Variants in LRBA observed in about 807,000 individuals in gnomAD.
The protein encoded by LRBA is LPS responsive beige-like anchor protein.
A neutral mutation model predicts 330.0 loss-of-function variants in LRBA; 176 were observed. The ratio of observed to expected loss-of-function variants is 0.53; its 90% CI spans 0.47 to 0.60. The LOEUF is 0.60. Among genes scored for constraint, LRBA ranks in the 20% least tolerant of loss-of-function variants. The pLI is 0.00. For missense variants in LRBA, 3,259 were observed against 3,444.8 expected (o/e 0.95, Z 1.35); for synonymous variants, 1,230 against 1,193.0 (o/e 1.03, Z -0.64).
intron 44 of LRBA, among the ~76,000 whole-genome samples, chr4:150,465,662 A>G (rs1755354107): frequency 6.6e-6 from 1 of 152,118 alleles, no homozygotes; most frequent in South Asian, 2.1e-4. Context: ...CTTTGGAGAA[A>G]TGTCTATCAG....
In LRBA at chr4:150,325,857, A is replaced by G. The variant is rs150550923; in HGVS notation, c.7404T>C (p.Ser2468=). ...GAGGATGGGGCTCTATGAGTAGTTG[A>G]GAAGGAGTCTGTCCAAAACTTCGGA... The part of the protein sequence containing the change: ...AQIRSFGQTP[S]QLLIEPHPPR... Residue 2468 remains serine (S), a synonymous_variant, in exon 49 of 57, where the codon TCT becomes TCC. Coordinates refer to ENST00000651943, the MANE Select transcript of LRBA (RefSeq NM_001364905.1). The G allele has an allele frequency of 3.3e-4, 529 of 1,613,538 alleles. 4 individuals are homozygous for G. The African/African-American group carries it at 6.3e-3, about 19-fold the overall frequency.
chr4:150,543,018 C>G (rs1490390442), intron 40 of LRBA, among the ~76,000 whole-genome samples: 3 of 152,044 alleles, frequency 2.0e-5, no homozygotes, highest in African/African-American at 7.2e-5. Flanking sequence ...ATAAGTGTCC[C>G]AAAATTCACC....
At chr4:150,473,120 A>C (rs1756339160) in intron 42 of LRBA, among the ~76,000 whole-genome samples, 1 of 152,132 alleles carries the variant, frequency 6.6e-6, no homozygotes, top group African/African-American at 2.4e-5. Context: ...ATTCATCTCC[A>C]CATCCTTGCC....
At chr4:150,824,229 G>A (rs545928679) in intron 30 of LRBA, among the ~76,000 whole-genome samples, 1 of 152,190 alleles carries the variant, frequency 6.6e-6, no homozygotes, top group East Asian at 1.9e-4. Flanking sequence ...ATTGTTCACT[G>A]TTAGCATATA....
At chr4:150,709,482 A>G (rs1785967804) in intron 36 of LRBA, among the ~76,000 whole-genome samples, 1 of 152,010 alleles carries the variant, frequency 6.6e-6, no homozygotes, top group African/African-American at 2.4e-5. Flanking sequence ...TAGGCTGAAA[A>G]TAATTCTACC....
intron 2 of LRBA, among the ~76,000 whole-genome samples, chr4:150,937,553 T>C (rs1018731512): frequency 5.9e-5 from 9 of 152,270 alleles, no homozygotes; most frequent in African/African-American, 1.7e-4. Context: ...AACTGATGTA[T>C]AGTCTTTTTC....
At chr4:150,911,309 C>A (rs1731963010) in intron 9 of LRBA, among the ~76,000 whole-genome samples, 1 of 152,050 alleles carries the variant, frequency 6.6e-6, no homozygotes, top group Admixed American at 6.5e-5. Flanking sequence ...AGTATTGTGT[C>A]AGTCATGGGC....
At chr4:150,561,450 CAG>C (rs1448357765) in intron 40 of LRBA, among the ~76,000 whole-genome samples, 2 of 152,176 alleles carry the variant, frequency 1.3e-5, no homozygotes, top group Non-Finnish European at 2.9e-5. Flanking sequence ...AACATTATAA[CAG>C]AGAGATTAAC....
chr4:150,745,248 A>G (rs1179603341), intron 35 of LRBA, among the ~76,000 whole-genome samples: 1 of 152,240 alleles, frequency 6.6e-6, no homozygotes, highest in African/African-American at 2.4e-5. Flanking sequence ...ACTGTAGGAT[A>G]GTAAACATAA....
intron 48 of LRBA, among the ~76,000 whole-genome samples, chr4:150,334,293 G>A (rs1354939166): frequency 6.6e-6 from 1 of 152,024 alleles, no homozygotes; most frequent in Non-Finnish European, 1.5e-5. Flanking sequence ...GCAGATAAAT[G>A]TTCAAAATAT....
intron 35 of LRBA, among the ~76,000 whole-genome samples, chr4:150,747,325 T>C (rs1189696809): frequency 6.6e-6 from 1 of 152,252 alleles, no homozygotes; most frequent in Non-Finnish European, 1.5e-5. Context: ...GTCTCTTCTT[T>C]AGTACTTATT....
At chr4:150,793,495 G>A (rs963056545) in intron 34 of LRBA, among the ~76,000 whole-genome samples, 2 of 152,072 alleles carry the variant, frequency 1.3e-5, no homozygotes, top group Non-Finnish European at 2.9e-5. Flanking sequence ...AAAAGACAAA[G>A]TCCAAAATAT....
At chr4:150,282,339 A>C in intron 55 of LRBA, 111 bp downstream of exon 55, 1 of 898,178 alleles carries the variant, frequency 1.1e-6, no homozygotes, top group Non-Finnish European at 1.8e-6. Flanking sequence ...TATGGAAAAG[A>C]GGCCCTCGGC....
At chr4:150,703,530 T>C (rs1157979896) in intron 36 of LRBA, among the ~76,000 whole-genome samples, 2 of 152,208 alleles carry the variant, frequency 1.3e-5, no homozygotes, top group Non-Finnish European at 2.9e-5. Flanking sequence ...AAGAAGTCAA[T>C]ATGTAATATT....
intron 29 of LRBA, among the ~76,000 whole-genome samples, chr4:150,831,433 G>A (rs1001082764): frequency 3.9e-5 from 6 of 152,020 alleles, no homozygotes; most frequent in African/African-American, 1.2e-4. Flanking sequence ...AATTGCAACA[G>A]CTACTTAACT....
intron 53 of LRBA, among the ~76,000 whole-genome samples, chr4:150,296,150 A>C (rs1275405221): frequency 6.6e-6 from 1 of 152,214 alleles, no homozygotes; most frequent in African/African-American, 2.4e-5. Context: ...AAAATTCTTT[A>C]TAATACATCC....
chr4:150,644,237 A>T (rs1778932286), intron 37 of LRBA, among the ~76,000 whole-genome samples: 1 of 151,982 alleles, frequency 6.6e-6, no homozygotes, highest in South Asian at 2.1e-4. Context: ...ACACATCAAT[A>T]TTACCAAACA....
intron 2 of LRBA, among the ~76,000 whole-genome samples, chr4:150,943,617 T>C (rs1735912778): frequency 6.6e-6 from 1 of 152,222 alleles, no homozygotes; most frequent in Non-Finnish European, 1.5e-5. Flanking sequence ...TTCAGAAGTT[T>C]TTCAGGTAAG....
chr4:150,669,937 TCTC>T (rs1781904416), intron 37 of LRBA, among the ~76,000 whole-genome samples: 1 of 152,182 alleles, frequency 6.6e-6, no homozygotes, highest in Non-Finnish European at 1.5e-5. Flanking sequence ...CTTGTGCACT[TCTC>T]AGTGCATCAC....
Sources: gnomAD v4.1 joint callset for allele counts (sites outside exome capture counted in the v4.1 genomes callset) on GRCh38, gnomAD v4.1.1 for gene constraint, MANE v1.5 for transcripts, NCBI Gene and HGNC (gene_info 2026-07-23, HGNC 2026-07-21) for gene names.